Variants in CACNA1F observed in about 807,000 individuals in gnomAD.
CACNA1F encodes the protein calcium voltage-gated channel subunit alpha1 F.
Under a neutral mutation model 143.8 loss-of-function variants are expected in CACNA1F, and 59 were observed. The observed-to-expected ratio is 0.41, with a 90% CI of 0.33 to 0.51. The LOEUF is 0.51. Ranked by LOEUF, CACNA1F falls within the 20% of genes least tolerant of loss-of-function variation. The pLI, the probability that CACNA1F is intolerant of heterozygous loss-of-function variation, is 0.22. For synonymous variants in CACNA1F, 643 were observed against 649.1 expected, an observed-to-expected ratio of 0.99 and a Z score of 0.14; for missense variants, 1,411 against 1,647.5, an observed-to-expected ratio of 0.86 and a Z score of 2.48.
rs2065661046 is a variant in CACNA1F at position 49,211,935 on chromosome X, AGTT to A, written c.4060_4062del (p.Asn1354del). On this transcript the variant is annotated inframe_deletion, in exon 35 of 48. Transcript: ENST00000323022. ...AGCACAGCCTGTGGAAAGGTCTGGAAGTTGTTGTTTCGGTTTATCTGTGTGCCA... is the reference window on the plus strand; with the variant it reads ...AGCACAGCCTGTGGAAAGGTCTGGAAGTTGTTTCGGTTTATCTGTGTGCCA... 1 of 1,211,284 alleles carries A rather than the reference AGTT, an allele frequency of 8.3e-7. No individual in the cohort carries two copies. The highest frequency in any genetic ancestry group is 1.1e-6 in the Non-Finnish European group (1 of 895,026).
intron 35 of CACNA1F, 122 bp downstream of exon 35, chrX:49,211,776 A>C: frequency 1.7e-6 from 1 of 594,821 alleles, no homozygotes; most frequent in East Asian, 3.4e-5. Flanking sequence ...GCCAGGAAAC[A>C]TCTCGGGCTG....
Position 49,210,987 on chromosome X carries a change from AC to A in CACNA1F, c.4365del (p.Trp1455CysfsTer21). The A allele has an allele frequency of 8.3e-7, 1 of 1,207,238 alleles. No individual in the cohort carries two copies. Among genetic ancestry groups the A allele is most frequent in the Admixed American group, 2.2e-5 (1 of 45,682 alleles). ...TACTTGGCCCCAGGGTCATATTCAG[AC>A]CAGATCCTCTTGAATTCATCAAGGT... ...PHHLDEFKRIWSEYDPGAKGR... is the reference protein window; with the variant it reads ...PHHLDEFKRIXSEYDPGAKGR... On this transcript the variant is annotated frameshift_variant, in exon 37 of 48. Coordinates refer to ENST00000323022, the MANE Select transcript of CACNA1F (RefSeq NM_001256789.3). LOFTEE classifies it high-confidence loss of function.
chrX:49,206,431 G>A (rs2065596674), intron 46 of CACNA1F, 80 bp downstream of exon 46: 2 of 417,721 alleles, frequency 4.8e-6, no homozygotes, highest in South Asian at 5.3e-5. Context: ...GGCCTGATAT[G>A]TGCTGTGTTT....
chrX:49,218,742 A>T lies in CACNA1F; in HGVS notation c.2734-7T>A. On this transcript the variant is annotated splice_polypyrimidine_tract_variant and splice_region_variant and intron_variant, in intron 22 of 47. Transcript: ENST00000323022. The stretch of plus-strand genomic sequence containing the variant: ...AGGCCCCAAACACTGTCATCTGGGG[A>T]CAGGACAAGAGGCTAGACTCAGACC... 1 of 1,071,844 alleles carries T rather than the reference A, an allele frequency of 9.3e-7. No homozygotes were observed. The highest frequency in any genetic ancestry group is 2.0e-5 in the South Asian group (1 of 50,780). The allele number at this position is 1,071,844 out of a possible 1,213,427, so 88.3% of individuals were successfully genotyped here.
At chrX:49,219,169 G>A (rs1179646131) in intron 21 of CACNA1F, 152 bp downstream of exon 21, 31 of 623,800 alleles carry the variant, frequency 5.0e-5, no homozygotes, top group African/African-American at 1.1e-4. Flanking sequence ...TGCACATGCC[G>A]TAAAGGCTGG....
In CACNA1F at chrX:49,218,456, T is replaced by C; in HGVS notation, c.2927A>G (p.Lys976Arg). The change falls in exon 24 of 48, where the codon AAG (lysine) becomes AGG (arginine). Residue 976 changes from lysine (K) to arginine (R), a missense_variant and splice_region_variant. Coordinates refer to ENST00000323022, the MANE Select transcript of CACNA1F (RefSeq NM_001256789.3). ...TGGGTTTGGGTGGGGTGGGGTTACC[T>C]TGAGTCCCTTGGCCCTGTTGATGGC... is the stretch of plus-strand genomic sequence containing the variant. ...LRAINRAKGL[K>R]HVVQCVFVAI... 8.5e-7 allele frequency: 1 copy of C among 1,174,802 alleles called. No homozygotes were observed. Among genetic ancestry groups the C allele is most frequent in the Non-Finnish European group, 1.1e-6 (1 of 876,283 alleles).
rs781810644 is a variant in CACNA1F at position 49,208,656 on chromosome X, C to T, written c.4982G>A (p.Arg1661His). Residue 1661 changes from arginine (R) to histidine (H), a missense_variant, in exon 43 of 48, where the codon CGC (arginine) becomes CAC (histidine). By Grantham distance (29) the Arg-to-His change is conservative (BLOSUM62 0). This residue lies in a region of CACNA1F where 349 missense variants were observed against 350.2 expected (regional missense o/e 1.00). Transcript: ENST00000323022. ...AGACACAGAAATCCCGGAGCCCCGG[C>T]GAGCTGAGGGCTGGGAGACCATCGT... is the stretch of plus-strand genomic sequence containing the variant. ...KATMVSQPSA[R>H]RGSGISVSLP... The T allele has an allele frequency of 8.9e-5, 108 of 1,208,819 alleles. No individual in the cohort carries two copies. Among genetic ancestry groups the T allele is most frequent in the South Asian group, 2.8e-4 (16 of 56,765 alleles).
intron 14 of CACNA1F, among the ~76,000 whole-genome samples, chrX:49,224,371 G>A (rs782549362): frequency 2.7e-5 from 3 of 109,806 alleles, no homozygotes; most frequent in South Asian, 4.0e-4. Flanking sequence ...ATGGGTGTTA[G>A]CGTTGTAAAT....
intron 22 of CACNA1F, 34 bp from the exon 23 acceptor site, chrX:49,218,769 G>A: frequency 1.0e-6 from 1 of 992,706 alleles, no homozygotes; most frequent in East Asian, 3.3e-5. Context: ...ACTCAGACCT[G>A]GGGATGGTGG....
intron 27 of CACNA1F, among the ~76,000 whole-genome samples, 191 bp from the exon 28 acceptor site, chrX:49,215,734 C>G (rs1266301818): frequency 9.1e-6 from 1 of 109,348 alleles, no homozygotes; most frequent in African/African-American, 3.3e-5. Flanking sequence ...ACCAGGCCCT[C>G]AAAGAGTCCA....
rs782328554 is a variant in CACNA1F at position 49,218,948 on chromosome X, T to C, written c.2674-7A>G. 2.0e-5 allele frequency: 24 copies of C among 1,196,850 alleles called. No individual in the cohort carries two copies. The South Asian group carries it at 4.3e-4, about 21-fold the overall frequency. ...AATCGAAGTAACCCAGAATCTGGGG[T>C]GTGAGAAAGAGCGGGGAGCCACTGA... On this transcript the variant is annotated splice_polypyrimidine_tract_variant and splice_region_variant and intron_variant, in intron 21 of 47. Coordinates refer to ENST00000323022, the MANE Select transcript of CACNA1F (RefSeq NM_001256789.3).
At chrX:49,217,653 C>G (rs2065730979) in intron 26 of CACNA1F, 102 bp downstream of exon 26, 1 of 767,493 alleles carries the variant, frequency 1.3e-6, no homozygotes, top group Non-Finnish European at 2.0e-6. Flanking sequence ...GTTCTTGGGA[C>G]AATTCTGGGA....
At chrX:49,208,411 G>GACC in intron 43 of CACNA1F, 104 bp downstream of exon 43, 30 of 414,461 alleles carry the variant, frequency 7.2e-5, no homozygotes, top group Non-Finnish European at 8.5e-5. Context: ...AGGCCTCTAG[G>GACC]CCCTCCCTCC....
chrX:49,218,932 A>G lies in CACNA1F; in HGVS notation c.2683T>C (p.Tyr895His), dbSNP rs1557108165. 1 of 1,204,297 alleles carries G rather than the reference A, an allele frequency of 8.3e-7. No homozygotes were observed. The highest frequency in any genetic ancestry group is 1.8e-5 in the African/African-American group (1 of 56,929). The part of the protein sequence containing the change: ...AHSFRNHILG[Y>H]FDYAFTSIFT... Reference sequence around the variant, plus strand: ...ATGGAGGTGAAGGCATAATCGAAGTAACCCAGAATCTGGGGTGTGAGAAAG... The same window carrying G: ...ATGGAGGTGAAGGCATAATCGAAGTGACCCAGAATCTGGGGTGTGAGAAAG... The change falls in exon 22 of 48, where the codon TAC becomes CAC. Residue 895 changes from tyrosine (Y) to histidine (H), a missense_variant. Physicochemically the swap from Tyr to His is moderately conservative, Grantham distance 83. Transcript: ENST00000323022.
intron 14 of CACNA1F, among the ~76,000 whole-genome samples, chrX:49,223,882 C>T (rs1484562009): frequency 1.8e-5 from 2 of 108,739 alleles, no homozygotes; most frequent in Non-Finnish European, 3.8e-5. Flanking sequence ...CAGTCACTTG[C>T]CACCACTCCC....
rs1557108152 is a variant in CACNA1F at position 49,218,899 on chromosome X, C to A, written c.2716G>T (p.Val906Leu). 1 of 1,206,592 alleles carries A rather than the reference C, an allele frequency of 8.3e-7. No individual in the cohort carries two copies. ...FDYAFTSIFTVEILLKMTVFG... is the reference protein window; with the variant it reads ...FDYAFTSIFTLEILLKMTVFG... ...TTAGTCACCTTTAGTAGAATCTCCA[C>A]AGTGAAAATGGAGGTGAAGGCATAA... The change falls in exon 22 of 48, where the codon GTG becomes TTG. Residue 906 changes from valine (V) to leucine (L), a missense_variant. Transcript: ENST00000323022.
chrX:49,223,343 G>A (rs1179082302), intron 14 of CACNA1F, among the ~76,000 whole-genome samples: 3 of 109,894 alleles, frequency 2.7e-5, no homozygotes, highest in African/African-American at 9.9e-5. Context: ...GGTGGCTCAC[G>A]CCTGTAATCC....
In CACNA1F at chrX:49,227,138, A is replaced by G. The variant is rs1557110255; in HGVS notation, c.1119-11T>C. On this transcript the variant is annotated splice_polypyrimidine_tract_variant and intron_variant, in intron 8 of 47. Transcript: ENST00000323022. ...TCCTTGGAGAACTCCCTGAGGGAGG[A>G]GGATAGAGGGCTAGGGGGAGGAGCC... The G allele has an allele frequency of 1.7e-6, 2 of 1,162,465 alleles. No homozygotes were observed. Among genetic ancestry groups the G allele is most frequent in the Non-Finnish European group, 2.3e-6 (2 of 866,889 alleles).
rs887414017 is a variant in CACNA1F, at chrX:49,226,983, G to A, written c.1263C>T (p.Ala421=). The A allele has an allele frequency of 5.0e-6, 6 of 1,210,451 alleles. No homozygotes were observed. Among genetic ancestry groups the A allele is most frequent in the South Asian group, 1.8e-5 (1 of 56,869 alleles). The part of the protein sequence containing the change: ...AEELDMEDPS[A]DDNLGPQLAE... Reference sequence around the variant, plus strand: ...CAGCCATAGAACCAAGGTTGTCATCGGCGGAGGGGTCCTCCATGTCCAGCT... The same window carrying A: ...CAGCCATAGAACCAAGGTTGTCATCAGCGGAGGGGTCCTCCATGTCCAGCT... Residue 421 remains alanine, a synonymous_variant, in exon 9 of 48, where the codon GCC becomes GCT. Transcript: ENST00000323022.
Sources: allele counts gnomAD v4.1 joint callset (sites outside exome capture counted in the v4.1 genomes callset), GRCh38; gene constraint gnomAD v4.1.1; regional missense constraint gnomAD v4.1.1; transcripts MANE v1.5; gene names NCBI Gene and HGNC (gene_info 2026-07-23, HGNC 2026-07-21).